Variants in JARID2 observed in about 807,000 individuals in gnomAD.
JARID2 encodes jumonji and AT-rich interaction domain containing 2.
In JARID2, 21 loss-of-function variants were observed where a neutral mutation model predicts 125.6. That is an observed-to-expected ratio of 0.17 (90% confidence interval 0.12 to 0.24). The LOEUF (loss-of-function observed/expected upper bound fraction) is 0.24, where lower values mean the gene tolerates loss of function less well. Ranked by LOEUF, JARID2 falls within the 10% of genes least tolerant of loss-of-function variation. The pLI is 1.00. For missense variants in JARID2, 1,303 were observed against 1,639.6 expected, an observed-to-expected ratio of 0.79 and a Z score of 3.55; for synonymous variants, 736 against 661.6, an observed-to-expected ratio of 1.11 and a Z score of -1.73.
chr6:15,335,843 A>G lies in JARID2; in HGVS notation c.46-38274A>G, dbSNP rs868103410. ...CATGATGGCTTACCCCTGTAATCCC[A>G]GCACTTTGGGAGTCTGGGGGACGGA... On this transcript the variant is annotated intron_variant, in intron 1 of 17. Transcript: ENST00000341776. 4.6e-5 allele frequency among the ~76,000 whole-genome samples: 7 copies of G among 152,210 alleles called. No individual in the cohort carries two copies. In the East Asian group the frequency reaches 7.7e-4, roughly 17 times the overall value.
At chr6:15,499,940 G>A (rs1221316986) in intron 7 of JARID2, among the ~76,000 whole-genome samples, 3 of 152,122 alleles carry the variant, frequency 2.0e-5, no homozygotes, top group South Asian at 4.1e-4. Context: ...TATGTGCAGC[G>A]ACCCTGCCTG....
At chr6:15,381,406 G>A (rs550863233) in intron 2 of JARID2, among the ~76,000 whole-genome samples, 41 of 151,022 alleles carry the variant, frequency 2.7e-4, no homozygotes, top group Middle Eastern at 3.5e-3. Flanking sequence ...ATGTCTGTGT[G>A]CTAGTCTCCT....
Position 15,496,953 on chromosome 6 carries a change from G to T in JARID2, c.1728G>T (p.Ser576=), listed in dbSNP as rs762421491. Residue 576 remains serine (S), a synonymous_variant, in exon 7 of 18, where the codon TCG becomes TCT. Coordinates refer to ENST00000341776, the MANE Select transcript of JARID2 (RefSeq NM_004973.4). Reference sequence around the variant, plus strand: ...ACGATCCGCTCATCTACATCGAGTCGGTCCGCGCTCAGGTGGAGAAGTTCG... The same window carrying T: ...ACGATCCGCTCATCTACATCGAGTCTGTCCGCGCTCAGGTGGAGAAGTTCG... ...EFHDPLIYIE[S]VRAQVEKFGM... The T allele has an allele frequency of 6.2e-7, 1 of 1,609,648 alleles. No homozygotes were observed. Among genetic ancestry groups the T allele is most frequent in the Non-Finnish European group, 8.5e-7 (1 of 1,176,754 alleles).
chr6:15,455,250 C>G (rs1466237401), intron 4 of JARID2, among the ~76,000 whole-genome samples: 1 of 149,130 alleles, frequency 6.7e-6, no homozygotes, highest in Non-Finnish European at 1.5e-5. Context: ...TTTGGTCTTG[C>G]GTGGCTTAAA....
At chr6:15,325,020 T>C (rs979043029) in intron 1 of JARID2, among the ~76,000 whole-genome samples, 2 of 152,082 alleles carry the variant, frequency 1.3e-5, no homozygotes, top group Admixed American at 6.6e-5. Flanking sequence ...AGTTTTTCTG[T>C]GTATTCGTAT....
chr6:15,336,916 C>T (rs907184848), intron 1 of JARID2, among the ~76,000 whole-genome samples: 3 of 152,034 alleles, frequency 2.0e-5, no homozygotes, highest in Non-Finnish European at 4.4e-5. Context: ...CAAGTTCTCT[C>T]GCCAGAGAAG....
At chr6:15,474,063 G>A (rs1303354824) in intron 5 of JARID2, among the ~76,000 whole-genome samples, 1 of 152,180 alleles carries the variant, frequency 6.6e-6, no homozygotes, top group Non-Finnish European at 1.5e-5. Flanking sequence ...TTTCACATCC[G>A]CTTTTATATC....
intron 3 of JARID2, among the ~76,000 whole-genome samples, chr6:15,431,696 G>A (rs1357933763): frequency 6.6e-6 from 1 of 152,180 alleles, no homozygotes; most frequent in African/African-American, 2.4e-5. Flanking sequence ...TTTCAATGAA[G>A]CAATTTAAGC....
chr6:15,317,651 G>A (rs1489647231), intron 1 of JARID2, among the ~76,000 whole-genome samples: 2 of 152,036 alleles, frequency 1.3e-5, no homozygotes, highest in African/African-American at 4.8e-5. Flanking sequence ...CTTGCGTCTC[G>A]GAGGTGCTGG....
intron 4 of JARID2, among the ~76,000 whole-genome samples, chr6:15,468,055 T>C (rs1768826507): frequency 6.6e-6 from 1 of 152,240 alleles, no homozygotes; most frequent in Non-Finnish European, 1.5e-5. Context: ...TCCAAAACTA[T>C]TGGAATTTGG....
intron 1 of JARID2, among the ~76,000 whole-genome samples, chr6:15,333,576 A>C (rs1762786455): frequency 6.6e-6 from 1 of 152,240 alleles, no homozygotes; most frequent in Non-Finnish European, 1.5e-5. Context: ...AAATACACAT[A>C]ACACCAAATT....
At chr6:15,428,020 C>T (rs1203989628) in intron 3 of JARID2, among the ~76,000 whole-genome samples, 2 of 152,074 alleles carry the variant, frequency 1.3e-5, no homozygotes, top group Admixed American at 6.5e-5. Flanking sequence ...CCGTATACTT[C>T]CTGTTCCCTC....
At chr6:15,505,767 G>A (rs886321899) in intron 9 of JARID2, among the ~76,000 whole-genome samples, 7 of 152,278 alleles carry the variant, frequency 4.6e-5, no homozygotes, top group African/African-American at 7.2e-5. Flanking sequence ...TGCTGCAGCC[G>A]CCACTGCCTC....
intron 1 of JARID2, among the ~76,000 whole-genome samples, chr6:15,282,459 C>CAT (rs907882837): frequency 3.3e-5 from 5 of 152,182 alleles, no homozygotes; most frequent in Admixed American, 6.5e-5. Flanking sequence ...GTCAGCTGTC[C>CAT]ATATTTTTTT....
At chr6:15,248,000 G>A (rs1759250628) in intron 1 of JARID2, 1 of 985,424 alleles carries the variant, frequency 1.0e-6, no homozygotes, top group Non-Finnish European at 1.2e-6. Flanking sequence ...GGTAGAACTT[G>A]GACGAGAACC....
intron 1 of JARID2, among the ~76,000 whole-genome samples, chr6:15,270,210 G>C (rs1760243498): frequency 6.6e-6 from 1 of 152,180 alleles, no homozygotes; most frequent in Non-Finnish European, 1.5e-5. Context: ...TTGGCTCACT[G>C]CAGCCTCCAC....
chr6:15,417,828 C>T (rs1051564453), intron 3 of JARID2, among the ~76,000 whole-genome samples: 2 of 152,214 alleles, frequency 1.3e-5, no homozygotes, highest in African/African-American at 2.4e-5. Context: ...TAGCCATTGT[C>T]AGTATATGTG....
chr6:15,434,367 CATAG>C (rs1008285282), intron 3 of JARID2, among the ~76,000 whole-genome samples: 6 of 152,038 alleles, frequency 3.9e-5, no homozygotes, highest in East Asian at 1.9e-4. Flanking sequence ...GAGTGTTGCA[CATAG>C]ATAGATTACG....
At chr6:15,335,987 A>G (rs764105743) in intron 1 of JARID2, among the ~76,000 whole-genome samples, 4 of 152,138 alleles carry the variant, frequency 2.6e-5, no homozygotes, top group Admixed American at 6.5e-5. Context: ...TCAAGAGGCT[A>G]AGGTGGAAGG....
Sources: allele counts gnomAD v4.1 joint callset (sites outside exome capture counted in the v4.1 genomes callset), GRCh38; gene constraint gnomAD v4.1.1; transcripts MANE v1.5; gene names NCBI Gene and HGNC (gene_info 2026-07-23, HGNC 2026-07-21).